Variants in CMTR1 observed in about 807,000 individuals in gnomAD.
CMTR1 encodes cap-specific mRNA (nucleoside-2'-O-)-methyltransferase 1.
CMTR1 carries 39 observed loss-of-function variants against 107.0 expected under a neutral mutation model. That is an observed-to-expected ratio of 0.36 (90% CI 0.28 to 0.48). The LOEUF (loss-of-function observed/expected upper bound fraction) is 0.48, where lower values mean the gene tolerates loss of function less well. CMTR1 is among the 20% of genes least tolerant of loss of function. CMTR1 has a pLI of 0.99. For synonymous variants in CMTR1, 366 were observed against 379.5 expected (o/e 0.96, Z 0.41); for missense variants, 672 against 1,064.9 (o/e 0.63, Z 5.14).
chr6:37,452,122 G>A (rs1406366488), intron 6 of CMTR1, among the ~76,000 whole-genome samples: 1 of 152,192 alleles, frequency 6.6e-6, no homozygotes, highest in East Asian at 1.9e-4. Flanking sequence ...CAGTGGGTCT[G>A]TTCATTGTAA....
At chr6:37,477,663 TC>T (rs1761765629) in intron 21 of CMTR1, 24 bp downstream of exon 21, 1 of 1,593,352 alleles carries the variant, frequency 6.3e-7, no homozygotes, top group East Asian at 2.3e-5. Context: ...CCGGTGAAGC[TC>T]AGATTCAAGA....
chr6:37,433,987 G>C (rs2113859500), intron 1 of CMTR1, among the ~76,000 whole-genome samples: 1 of 152,310 alleles, frequency 6.6e-6, no homozygotes, highest in South Asian at 2.1e-4. Flanking sequence ...TCCGCTTTGA[G>C]TTTGCTGTAC....
At chr6:37,457,486 G>A (rs932398060) in intron 8 of CMTR1, among the ~76,000 whole-genome samples, 1 of 152,160 alleles carries the variant, frequency 6.6e-6, no homozygotes, top group African/African-American at 2.4e-5. Context: ...GAGACCAAAT[G>A]CAGTGTGGTG....
At chr6:37,451,113 CATT>C (rs749745758) in intron 5 of CMTR1, among the ~76,000 whole-genome samples, 4 of 151,912 alleles carry the variant, frequency 2.6e-5, no homozygotes, top group East Asian at 3.9e-4. Flanking sequence ...TTTATGTTAA[CATT>C]AGCCTTTTAA....
At chr6:37,434,992 C>T (rs1771494544) in intron 1 of CMTR1, among the ~76,000 whole-genome samples, 3 of 152,116 alleles carry the variant, frequency 2.0e-5, no homozygotes, top group Admixed American at 1.3e-4. Context: ...GTATAGCTAC[C>T]TCCAGTCCCA....
the CMTR1 span, among the ~76,000 whole-genome samples, chr6:37,428,000 AACAGAG>A: frequency 9.8e-3 from 1,129 of 115,330 alleles, 25 homozygotes; most frequent in African/African-American, 0.034. The surrounding 1 kb of genome is among the most constrained non-coding windows in gnomAD (Gnocchi z 4.4). Context: ...CAACCTAAGC[AACAGAG>A]ACAGAGAGAG....
Position 37,477,648 on chromosome 6 carries a change from C to T in CMTR1, c.2153+9C>T, listed in dbSNP as rs1430624609. The T allele has an allele frequency of 1.9e-6, 3 of 1,607,796 alleles. No homozygotes were observed. The highest frequency in any genetic ancestry group is 2.5e-6 in the Non-Finnish European group (3 of 1,177,092). On this transcript the variant is annotated intron_variant, in intron 21 of 23. Transcript: ENST00000373451. ...GAGAAGATTTTTGTCAGGTGAGTGA[C>T]TTGACCGGTGAAGCTCAGATTCAAG...
At chr6:37,436,076 C>G (rs1468112998) in intron 2 of CMTR1, among the ~76,000 whole-genome samples, 1 of 152,120 alleles carries the variant, frequency 6.6e-6, no homozygotes, top group Admixed American at 6.6e-5. Flanking sequence ...TGCTGTGTGC[C>G]CTTAATAGCT....
intron 3 of CMTR1, among the ~76,000 whole-genome samples, chr6:37,444,684 T>C (rs1418579478): frequency 1.3e-5 from 2 of 152,228 alleles, no homozygotes; most frequent in Middle Eastern, 3.2e-3. Flanking sequence ...TTAGTGTATG[T>C]GCAAACATTA....
chr6:37,474,358 C>T (rs1347477382), intron 17 of CMTR1, among the ~76,000 whole-genome samples, 166 bp from the exon 18 acceptor site: 1 of 152,230 alleles, frequency 6.6e-6, no homozygotes, highest in Non-Finnish European at 1.5e-5. Context: ...ACACTACTAT[C>T]ATTATCACTA....
chr6:37,466,913 GTAA>G (rs1467961240), intron 13 of CMTR1, among the ~76,000 whole-genome samples: 2 of 152,148 alleles, frequency 1.3e-5, no homozygotes, highest in African/African-American at 4.8e-5. Flanking sequence ...GCTCACACCT[GTAA>G]TCCCAGCCCT....
rs1349394149 is a variant in CMTR1 at position 37,459,674 on chromosome 6, T to C, written c.1085T>C (p.Met362Thr). 1 of 1,612,742 alleles carries C rather than the reference T, an allele frequency of 6.2e-7. No homozygotes were observed. The highest frequency in any genetic ancestry group is 8.5e-7 in the Non-Finnish European group (1 of 1,178,804). ...NTDRKGVHFL[M>T]ADGGFSVEGQ... is the part of the protein sequence containing the mutation. ...GATCGCAAGGGTGTCCATTTTCTGA[T>C]GGCTGATGGGGTAGGTTACCTTTTT... is the stretch of plus-strand genomic sequence containing the variant. The change falls in exon 10 of 24, where the codon ATG (methionine) becomes ACG (threonine). Residue 362 changes from methionine to threonine, a missense_variant. By Grantham distance (81) the Met-to-Thr change is moderately conservative. Transcript: ENST00000373451.
intron 17 of CMTR1, among the ~76,000 whole-genome samples, chr6:37,474,107 A>G (rs888738746): frequency 6.6e-6 from 1 of 152,194 alleles, no homozygotes. Context: ...TTTCTATATA[A>G]TTTGATCCTG....
chr6:37,439,741 C>T (rs575710443), intron 2 of CMTR1, among the ~76,000 whole-genome samples: 1 of 152,306 alleles, frequency 6.6e-6, no homozygotes, highest in East Asian at 1.9e-4. Flanking sequence ...CTGTGTGCTG[C>T]CCACCTTGGC....
chr6:37,452,092 A>G (rs960920847), intron 6 of CMTR1, among the ~76,000 whole-genome samples: 7 of 152,196 alleles, frequency 4.6e-5, no homozygotes, highest in African/African-American at 1.4e-4. Flanking sequence ...TCAGCAGCCA[A>G]GAAAGGATCT....
At chr6:37,475,291 A>T in intron 18 of CMTR1, 30 bp from the exon 19 acceptor site, 1 of 1,570,432 alleles carries the variant, frequency 6.4e-7, no homozygotes, top group African/African-American at 1.3e-5. Flanking sequence ...CACCTGGCAG[A>T]GTGGGCAGTG....
chr6:37,452,103 GC>G (rs1364685774), intron 6 of CMTR1, among the ~76,000 whole-genome samples: 1 of 152,200 alleles, frequency 6.6e-6, no homozygotes, highest in Non-Finnish European at 1.5e-5. Context: ...GAAAGGATCT[GC>G]CTAATCTCAG....
intron 13 of CMTR1, among the ~76,000 whole-genome samples, chr6:37,467,601 TGTTA>T (rs1481243603): frequency 7.2e-5 from 11 of 152,240 alleles, no homozygotes; most frequent in African/African-American, 2.4e-4. Flanking sequence ...CTGTGTCTTC[TGTTA>T]GTTTTGTCAA....
rs927294780 is a variant in CMTR1, at chr6:37,470,435, C to T, written c.1506-586C>T. On this transcript the variant is annotated intron_variant, in intron 13 of 23. Coordinates refer to ENST00000373451, the MANE Select transcript of CMTR1 (RefSeq NM_015050.3). Reference sequence around the variant, plus strand: ...TGCTGGGATTACAGGTGTGAGCCACCGCGCCTGGCCGTCATTCACCCTTTC... The same window carrying T: ...TGCTGGGATTACAGGTGTGAGCCACTGCGCCTGGCCGTCATTCACCCTTTC... Among the ~76,000 whole-genome samples the T allele has an allele frequency of 8.5e-5, 13 of 152,106 alleles. No homozygotes were observed. The Middle Eastern group carries it at 0.017, about 202-fold the overall frequency.
Sources: gnomAD v4.1 joint callset for allele counts (sites outside exome capture counted in the v4.1 genomes callset) on GRCh38, gnomAD v4.1.1 for gene constraint, Gnocchi (gnomAD v3.1) non-coding constraint, MANE v1.5 for transcripts, NCBI Gene and HGNC (gene_info 2026-07-23, HGNC 2026-07-21) for gene names.